Variants in GON4L observed in about 807,000 individuals in gnomAD.
The protein encoded by GON4L is GON-4-like protein.
Under a neutral mutation model 211.8 loss-of-function variants are expected in GON4L, and 87 were observed. That is an observed-to-expected ratio of 0.41 (90% CI 0.35 to 0.49). The LOEUF (loss-of-function observed/expected upper bound fraction) is 0.49, where lower values mean the gene tolerates loss of function less well. Ranked by LOEUF, GON4L falls within the 20% of genes least tolerant of loss-of-function variation. The pLI is 0.15. For missense variants in GON4L, 2,155 were observed against 2,659.5 expected (o/e 0.81, Z 4.17); for synonymous variants, 875 against 962.6 (o/e 0.91, Z 1.68).
rs755001852 is a variant in GON4L at position 155,814,323 on chromosome 1, G to A, written c.1281+7C>T. The A allele has an allele frequency of 6.8e-6, 11 of 1,611,044 alleles. No individual in the cohort carries two copies. The highest frequency in any genetic ancestry group is 6.7e-5 in the East Asian group (3 of 44,878). ...TCTAACATCTCTTTTGTATGATGCC[G>A]ATTTACCTCTGATAATATGCCACTC... On this transcript the variant is annotated splice_region_variant and intron_variant, in intron 9 of 31. Transcript: ENST00000368331.
At chr1:155,764,165 C>A (rs1259626008) in intron 21 of GON4L, among the ~76,000 whole-genome samples, 1 of 152,048 alleles carries the variant, frequency 6.6e-6, no homozygotes, top group South Asian at 2.1e-4. Context: ...AGTTTTCAGG[C>A]TGGAGTGAGA....
intron 12 of GON4L, among the ~76,000 whole-genome samples, chr1:155,793,862 A>G (rs1407822229): frequency 6.6e-6 from 1 of 152,132 alleles, no homozygotes; most frequent in East Asian, 1.9e-4. Context: ...TTCCTGCCCC[A>G]GCCTCCCAAA....
chr1:155,760,618 G>T lies in GON4L; in HGVS notation c.4935C>A (p.Ile1645=), dbSNP rs1661688482. Residue 1645 remains isoleucine (I), a synonymous_variant, in exon 24 of 32, where the codon ATC becomes ATA. Transcript: ENST00000368331. ...LTRVREALQH[I]PGKYEDFLQV... is the part of the protein sequence containing the mutation. ...GAAGGAAGTCTTCATACTTGCCAGGGATATGTTGTAGGGCTTCTCGCACCT... is the reference window on the plus strand; with the variant it reads ...GAAGGAAGTCTTCATACTTGCCAGGTATATGTTGTAGGGCTTCTCGCACCT... 2 of 1,613,006 alleles carry T rather than the reference G, an allele frequency of 1.2e-6. No individual in the cohort carries two copies. Among genetic ancestry groups the T allele is most frequent in the Non-Finnish European group, 1.7e-6 (2 of 1,179,058 alleles).
In GON4L at chr1:155,844,547, A is replaced by G. The variant is rs73002907; in HGVS notation, c.505+8729T>C. Among the ~76,000 whole-genome samples, 855 of 152,280 alleles carry G rather than the reference A, an allele frequency of 5.6e-3. 6 individuals are homozygous for G. Among genetic ancestry groups the G allele is most frequent in the African/African-American group, 0.019 (808 of 41,560 alleles). On this transcript the variant is annotated intron_variant, in intron 2 of 31. Transcript: ENST00000368331. ...TAAAGTGGGAGGATCACTTGAGCTC[A>G]GGAGTCAAGACCAGCCCGGGCAACA...
Position 155,840,870 on chromosome 1 carries a change from C to A in GON4L, c.505+12406G>T, listed in dbSNP as rs529230757. On this transcript the variant is annotated intron_variant, in intron 2 of 31. Transcript: ENST00000368331. ...CAACATGGAGAAACCCCGTCCCTAT[C>A]AAAAATACACAAAAATTAGCTGGGC... is the stretch of plus-strand genomic sequence containing the variant. 2.0e-5 allele frequency among the ~76,000 whole-genome samples: 3 copies of A among 152,140 alleles called. No individual in the cohort carries two copies. In the South Asian group the frequency reaches 6.2e-4, roughly 32 times the overall value.
intron 14 of GON4L, among the ~76,000 whole-genome samples, chr1:155,781,202 G>A (rs1170039265): frequency 6.6e-6 from 1 of 151,746 alleles, no homozygotes; most frequent in African/African-American, 2.4e-5. Flanking sequence ...GAGTGCAATG[G>A]AGTGGTCTCG....
intron 11 of GON4L, among the ~76,000 whole-genome samples, chr1:155,795,404 T>C (rs1159291527): frequency 6.6e-6 from 1 of 152,150 alleles, no homozygotes; most frequent in African/African-American, 2.4e-5. Context: ...TTTTGTGTAG[T>C]ATATTCCATG....
chr1:155,788,813 G>A (rs1053719746), intron 12 of GON4L, among the ~76,000 whole-genome samples: 6 of 152,098 alleles, frequency 3.9e-5, no homozygotes, highest in South Asian at 2.1e-4. Context: ...AAAAAAAGCC[G>A]GGCGCAGTGG....
intron 12 of GON4L, among the ~76,000 whole-genome samples, chr1:155,793,253 A>T (rs1341803412): frequency 3.3e-5 from 5 of 152,236 alleles, no homozygotes; most frequent in African/African-American, 4.8e-5. Context: ...ATATCAAAAT[A>T]AATGAAAGAT....
At chr1:155,787,972 C>A (rs753727720) in intron 12 of GON4L, among the ~76,000 whole-genome samples, 70 of 152,130 alleles carry the variant, frequency 4.6e-4, no homozygotes, top group South Asian at 3.7e-3. Flanking sequence ...AAAACAAAAT[C>A]ATTTAAGTAA....
At chr1:155,857,726 C>A (rs1672406725), upstream of GON4L, among the ~76,000 whole-genome samples, 5 of 146,552 alleles carry the variant, frequency 3.4e-5, no homozygotes, top group Non-Finnish European at 1.5e-5. Context: ...GACTCTGTAT[C>A]AAAAAAAAAA....
At chr1:155,748,367 A>T (rs1660338735), downstream of GON4L, 1 of 1,582,570 alleles carries the variant, frequency 6.3e-7, no homozygotes, top group African/African-American at 1.3e-5. Flanking sequence ...TCCAGGCCCG[A>T]GGCCAAGTGC....
At chr1:155,771,361 G>A (rs955646468) in intron 18 of GON4L, 144 bp from the exon 19 acceptor site, 69 of 1,046,790 alleles carry the variant, frequency 6.6e-5, no homozygotes, top group Non-Finnish European at 9.1e-5. Flanking sequence ...GAGTGCAGTG[G>A]CACCATCGCA....
At chr1:155,792,669 C>A (rs940789799) in intron 12 of GON4L, among the ~76,000 whole-genome samples, 2 of 152,170 alleles carry the variant, frequency 1.3e-5, no homozygotes, top group Non-Finnish European at 2.9e-5. Context: ...CAAATATATT[C>A]CAGGATGATA....
intron 13 of GON4L, chr1:155,785,053 T>C: frequency 2.2e-6 from 1 of 464,046 alleles, no homozygotes; most frequent in South Asian, 1.9e-5. Flanking sequence ...TGAGCTGTAA[T>C]TTCACCACTG....
At chr1:155,778,989 G>A (rs1430685276) in intron 14 of GON4L, among the ~76,000 whole-genome samples, 3 of 151,720 alleles carry the variant, frequency 2.0e-5, no homozygotes, top group Non-Finnish European at 2.9e-5. Flanking sequence ...CTTGTTGGCC[G>A]GACGCGGTGG....
Position 155,750,740 on chromosome 1 carries a change from AAGG to A in GON4L, c.6577-10_6577-8del, listed in dbSNP as rs1557815286. On this transcript the variant is annotated splice_region_variant and splice_polypyrimidine_tract_variant and intron_variant, in intron 31 of 31. Transcript: ENST00000368331. Reference sequence around the variant, plus strand: ...CTCGAAAACGGTGGGAAACCTAAGAAAGGAGGAGGGCTGTATTCACTGGTCTTT... The same window carrying A: ...CTCGAAAACGGTGGGAAACCTAAGAAAGGAGGGCTGTATTCACTGGTCTTT... The A allele has an allele frequency of 6.4e-7, 1 of 1,571,688 alleles. No homozygotes were observed. The highest frequency in any genetic ancestry group is 1.4e-5 in the African/African-American group (1 of 73,718).
chr1:155,799,771 A>G (rs1488934063), intron 11 of GON4L, among the ~76,000 whole-genome samples: 1 of 152,174 alleles, frequency 6.6e-6, no homozygotes, highest in Non-Finnish European at 1.5e-5. Flanking sequence ...TTCCTTCCCA[A>G]TAGCTACCAT....
chr1:155,755,117 C>G (rs1251308108), intron 27 of GON4L, among the ~76,000 whole-genome samples: 2 of 147,192 alleles, frequency 1.4e-5, no homozygotes, highest in African/African-American at 5.0e-5. Flanking sequence ...TTCTCCCAGG[C>G]TGGAGTGCAG....
Sources: allele counts gnomAD v4.1 joint callset (sites outside exome capture counted in the v4.1 genomes callset), GRCh38; gene constraint gnomAD v4.1.1; transcripts MANE v1.5; gene names NCBI Gene and HGNC (gene_info 2026-07-23, HGNC 2026-07-21).